Variants in DYM observed in about 807,000 individuals in gnomAD.
DYM encodes dymeclin.
In DYM, 78 loss-of-function variants were observed where a neutral mutation model predicts 93.1. That is an observed-to-expected ratio of 0.84 (90% confidence interval 0.70 to 1.01). The LOEUF is 1.01. DYM is among the 50% of genes least tolerant of loss of function. The pLI is 0.00. For synonymous variants in DYM, 321 were observed against 319.7 expected (o/e 1.00, Z -0.04); for missense variants, 789 against 845.0 (o/e 0.93, Z 0.82).
chr18:49,289,764 T>TACAC (rs2059966420), intron 8 of DYM, among the ~76,000 whole-genome samples: 2 of 48,464 alleles, frequency 4.1e-5, no homozygotes, highest in Admixed American at 2.7e-4. Context: ...TATATATATA[T>TACAC]ATATATATAC....
rs2145677705 is a variant in DYM at position 49,102,898 on chromosome 18, C to G, written c.1912-5383G>C. 2.0e-5 allele frequency among the ~76,000 whole-genome samples: 3 copies of G among 152,234 alleles called. No individual in the cohort carries two copies. The Middle Eastern group carries it at 0.01, about 518-fold the overall frequency. On this transcript the variant is annotated intron_variant, in intron 16 of 17. Coordinates refer to ENST00000675505, the MANE Select transcript of DYM (RefSeq NM_001353214.3). ...CACACGTGTGCATGTGTCTTTATAG[C>G]AGCATCATTTATAATCCTTTGGGTA...
intron 14 of DYM, among the ~76,000 whole-genome samples, chr18:49,186,685 C>G (rs138426968): frequency 1.1e-4 from 16 of 152,182 alleles, no homozygotes; most frequent in African/African-American, 3.6e-4. Context: ...ATGAGGTTCA[C>G]CATCTTCACT....
intron 6 of DYM, among the ~76,000 whole-genome samples, chr18:49,362,050 G>C (rs2066076390): frequency 6.9e-6 from 1 of 144,698 alleles, no homozygotes; most frequent in African/African-American, 2.6e-5. Context: ...TTTTTAAGTA[G>C]AGACAGGGTC....
chr18:49,159,018 T>C (rs1386699641), intron 15 of DYM, among the ~76,000 whole-genome samples: 2 of 152,172 alleles, frequency 1.3e-5, no homozygotes, highest in African/African-American at 4.8e-5. Flanking sequence ...TATATACATC[T>C]ACTATCTACC....
chr18:49,209,738 G>C (rs2092692794), intron 13 of DYM, 23 bp from the exon 14 acceptor site: 1 of 1,213,238 alleles, frequency 8.2e-7, no homozygotes, highest in South Asian at 1.5e-5. Flanking sequence ...GGTAAAAGGA[G>C]AGAAACAGAA....
At chr18:49,260,936 C>A (rs1049543655) in intron 11 of DYM, among the ~76,000 whole-genome samples, 1 of 150,592 alleles carries the variant, frequency 6.6e-6, no homozygotes, top group Non-Finnish European at 1.5e-5. Flanking sequence ...CAGGACAAAT[C>A]CAGAAGAATT....
chr18:49,387,405 T>C lies in DYM; in HGVS notation c.193+4188A>G, dbSNP rs566818904. Among the ~76,000 whole-genome samples the C allele has an allele frequency of 3.3e-5, 5 of 152,122 alleles. No individual in the cohort carries two copies. The East Asian group carries it at 9.7e-4, about 29-fold the overall frequency. ...GATTCTCCCACCTCAGCCTCCCGAG[T>C]AGCTGAGATTACAGGCAACTGCCAT... On this transcript the variant is annotated intron_variant, in intron 3 of 17. Coordinates refer to ENST00000675505, the MANE Select transcript of DYM (RefSeq NM_001353214.3).
intron 6 of DYM, among the ~76,000 whole-genome samples, chr18:49,354,269 G>A (rs934886338): frequency 2.0e-5 from 3 of 151,968 alleles, no homozygotes; most frequent in African/African-American, 7.2e-5. Context: ...ACTCTAAAAC[G>A]ATAAAATAGG....
At chr18:49,270,269 G>C (rs1251790417) in intron 11 of DYM, among the ~76,000 whole-genome samples, 1 of 152,184 alleles carries the variant, frequency 6.6e-6, no homozygotes, top group Non-Finnish European at 1.5e-5. Flanking sequence ...TAAAAAAGAA[G>C]ACCCTGACAT....
chr18:49,231,972 T>C (rs926000275), intron 13 of DYM, among the ~76,000 whole-genome samples: 6 of 152,216 alleles, frequency 3.9e-5, no homozygotes, highest in African/African-American at 1.2e-4. Context: ...TATTCATAGA[T>C]AAAAAATTTT....
chr18:49,119,347 C>T (rs560786497), intron 15 of DYM, among the ~76,000 whole-genome samples: 1 of 152,304 alleles, frequency 6.6e-6, no homozygotes, highest in South Asian at 2.1e-4. Context: ...CTTCATTTCT[C>T]TACACTGTCA....
At chr18:49,065,741 T>G (rs1018066539) in intron 17 of DYM, among the ~76,000 whole-genome samples, 3 of 152,180 alleles carry the variant, frequency 2.0e-5, no homozygotes, top group African/African-American at 7.2e-5. Flanking sequence ...ACAGGGCTTA[T>G]AAAATTATCA....
intron 1 of DYM, among the ~76,000 whole-genome samples, chr18:49,434,988 AC>A (rs1412519087): frequency 6.6e-6 from 1 of 152,128 alleles, no homozygotes; most frequent in Admixed American, 6.6e-5. Flanking sequence ...CAGGCGGATC[AC>A]TTGAGGTCAG....
At chr18:49,303,920 G>C (rs2061112572) in intron 8 of DYM, among the ~76,000 whole-genome samples, 1 of 152,132 alleles carries the variant, frequency 6.6e-6, no homozygotes, top group Non-Finnish European at 1.5e-5. Flanking sequence ...AAAACAGTCT[G>C]GCTGCTATGC....
chr18:49,442,074 A>T (rs1027309546), intron 1 of DYM, among the ~76,000 whole-genome samples: 4 of 152,170 alleles, frequency 2.6e-5, no homozygotes, highest in African/African-American at 9.7e-5. Flanking sequence ...ACAGAAATTT[A>T]GGAACTGCCA....
chr18:49,286,411 A>T, intron 9 of DYM, 23 bp downstream of exon 9: 9 of 1,613,288 alleles, frequency 5.6e-6, no homozygotes, highest in Non-Finnish European at 7.6e-6. Context: ...TACAAAGAAT[A>T]TTAGAGAAAA....
chr18:49,215,702 C>T (rs1364521277), intron 13 of DYM, among the ~76,000 whole-genome samples: 1 of 152,198 alleles, frequency 6.6e-6, no homozygotes, highest in African/African-American at 2.4e-5. Context: ...CAAATTCCCT[C>T]AAACTGAAAA....
chr18:49,446,722 T>A (rs758827874), intron 1 of DYM, among the ~76,000 whole-genome samples: 3 of 152,128 alleles, frequency 2.0e-5, no homozygotes, highest in Non-Finnish European at 4.4e-5. Flanking sequence ...AGATGGCAAC[T>A]ATTCAAGCTT....
At chr18:49,048,431 G>T (rs570180759) in intron 17 of DYM, 1 of 152,116 alleles carries the variant, frequency 6.6e-6, no homozygotes, top group African/African-American at 2.4e-5. Flanking sequence ...CTGTTAAAAC[G>T]CACTTCTCAT....
Sources: allele counts gnomAD v4.1 joint callset (sites outside exome capture counted in the v4.1 genomes callset), GRCh38; gene constraint gnomAD v4.1.1; transcripts MANE v1.5; gene names NCBI Gene and HGNC (gene_info 2026-07-23, HGNC 2026-07-21).